The following KIAA1217 variants were observed in gnomAD, a reference collection of about 807,000 sequenced individuals.
KIAA1217 encodes the protein sickle tail protein homolog.
A neutral mutation model predicts 163.9 loss-of-function variants in KIAA1217; 88 were observed. The observed-to-expected ratio is 0.54, with a 90% confidence interval of 0.45 to 0.64. The LOEUF is 0.64. KIAA1217 is among the 30% of genes least tolerant of loss of function. The pLI is 0.00. For missense variants in KIAA1217, 2,372 were observed against 2,475.0 expected, an observed-to-expected ratio of 0.96 and a Z score of 0.88; for synonymous variants, 903 against 923.1, an observed-to-expected ratio of 0.98 and a Z score of 0.39.
chr10:23,836,013 A>G lies in KIAA1217; in HGVS notation c.-321+140779A>G, dbSNP rs147498196. 1.2e-3 allele frequency among the ~76,000 whole-genome samples: 181 copies of G among 152,272 alleles called. 13 individuals carry two copies. In the East Asian group the frequency reaches 0.028, roughly 24 times the overall value. ...TGGATATAGGGTCTTTAAAGAAGTT[A>G]CTAAGTTAAAATGGGGTCATTATTG... On this transcript the variant is annotated intron_variant, in intron 1 of 18. Coordinates refer to the KIAA1217 transcript ENST00000376462.
At chr10:23,994,059 G>A (rs772022510) in intron 1 of KIAA1217, among the ~76,000 whole-genome samples, 2 of 152,190 alleles carry the variant, frequency 1.3e-5, no homozygotes, top group Non-Finnish European at 2.9e-5. Flanking sequence ...GACTACTCTA[G>A]CTTGTGAGCA....
At chr10:23,960,903 A>G (rs942919080) in intron 1 of KIAA1217, among the ~76,000 whole-genome samples, 6 of 152,350 alleles carry the variant, frequency 3.9e-5, no homozygotes, top group Admixed American at 2.6e-4. Flanking sequence ...TAAATACTTA[A>G]AAGAGATATA....
intron 2 of KIAA1217, among the ~76,000 whole-genome samples, chr10:24,373,091 T>C (rs558140708): frequency 2.6e-5 from 4 of 152,316 alleles, no homozygotes; most frequent in East Asian, 1.9e-4. Flanking sequence ...CTGGGACTTA[T>C]AGTGAATTGC....
At chr10:23,982,394 T>G (rs574089456) in intron 1 of KIAA1217, among the ~76,000 whole-genome samples, 1 of 152,070 alleles carries the variant, frequency 6.6e-6, no homozygotes, top group South Asian at 2.1e-4. Flanking sequence ...GCAGTGGGAG[T>G]GACGCTGGCC....
intron 2 of KIAA1217, among the ~76,000 whole-genome samples, chr10:24,014,824 T>TA (rs1847400925): frequency 6.6e-6 from 1 of 152,056 alleles, no homozygotes; most frequent in Admixed American, 6.6e-5. Flanking sequence ...GGCTGAGAGT[T>TA]TTTCTAAGCA....
intron 2 of KIAA1217, among the ~76,000 whole-genome samples, chr10:24,028,570 C>G (rs1848060827): frequency 6.6e-6 from 1 of 151,948 alleles, no homozygotes; most frequent in Non-Finnish European, 1.5e-5. Context: ...AAATTAAATC[C>G]AGGAAAGCTG....
intron 1 of KIAA1217, among the ~76,000 whole-genome samples, chr10:24,005,567 GAAAATA>G (rs1846956696): frequency 6.6e-6 from 1 of 152,130 alleles, no homozygotes; most frequent in Non-Finnish European, 1.5e-5. Context: ...TACTCACCAG[GAAAATA>G]ATTTTAAATC....
intron 1 of KIAA1217, among the ~76,000 whole-genome samples, chr10:23,929,136 TTTA>T (rs1843147530): frequency 6.6e-6 from 1 of 152,016 alleles, no homozygotes; most frequent in Non-Finnish European, 1.5e-5. Context: ...AGATGGAATG[TTTA>T]TTATTATTAT....
chr10:24,293,657 T>C (rs414871), intron 2 of KIAA1217, among the ~76,000 whole-genome samples: 21,691 of 152,232 alleles, frequency 0.14, 2,244 homozygotes, highest in Non-Finnish European at 0.21. Context: ...CAGGATGTCT[T>C]GTGTCTGTGC....
intron 1 of KIAA1217, among the ~76,000 whole-genome samples, chr10:24,002,616 C>T (rs116143838): frequency 0.019 from 2,841 of 152,190 alleles, 95 homozygotes; most frequent in African/African-American, 0.065. Flanking sequence ...CAAAATTAAC[C>T]CAAACCCCTC....
At position 24,531,988 on chromosome 10, in the gene KIAA1217, G is replaced by T; in HGVS notation, c.3241G>T (p.Ala1081Ser). 1.9e-6 allele frequency: 3 copies of T among 1,561,410 alleles called. No homozygotes were observed. Among genetic ancestry groups the T allele is most frequent in the Non-Finnish European group, 2.6e-6 (3 of 1,147,946 alleles). Residue 1081 changes from alanine to serine, a missense_variant, in exon 15 of 21, where the codon GCT becomes TCT. By Grantham distance (99) the Ala-to-Ser change is moderately conservative. Transcript: ENST00000376454. Reference protein sequence around the residue: ...VYTGRKENITAKASSEDAGPS... With the variant: ...VYTGRKENITSKASSEDAGPS... ...CACCGGCAGAAAGGAGAACATCACCGCTAAGGTCTGATAGGCTAAGCCCTG... is the reference window on the plus strand; with the variant it reads ...CACCGGCAGAAAGGAGAACATCACCTCTAAGGTCTGATAGGCTAAGCCCTG...
At chr10:24,244,026 T>C (rs2073459615) in intron 2 of KIAA1217, among the ~76,000 whole-genome samples, 1 of 152,200 alleles carries the variant, frequency 6.6e-6, no homozygotes, top group South Asian at 2.1e-4. Flanking sequence ...TGGATTCGGA[T>C]CCTGCCTTCA....
intron 2 of KIAA1217, among the ~76,000 whole-genome samples, chr10:24,303,826 A>C (rs982033012): frequency 1.3e-5 from 2 of 151,808 alleles, no homozygotes; most frequent in African/African-American, 4.8e-5. Flanking sequence ...ATGGGATTCA[A>C]ATTTGCACGT....
intron 1 of KIAA1217, among the ~76,000 whole-genome samples, chr10:23,930,512 A>G (rs1206928181): frequency 1.3e-5 from 2 of 152,106 alleles, no homozygotes; most frequent in African/African-American, 2.4e-5. Flanking sequence ...TTCACATTCG[A>G]ATGTTTCTAA....
chr10:24,287,310 C>T (rs540696642), intron 2 of KIAA1217, among the ~76,000 whole-genome samples: 1 of 152,310 alleles, frequency 6.6e-6, no homozygotes, highest in African/African-American at 2.4e-5. Flanking sequence ...CTCGGCCTCC[C>T]AAAGTGCTGG....
chr10:24,279,101 A>G (rs1564394546), intron 2 of KIAA1217, among the ~76,000 whole-genome samples: 1 of 152,110 alleles, frequency 6.6e-6, no homozygotes, highest in African/African-American at 2.4e-5. Context: ...TGGCCTCCCA[A>G]AGTACTGGGA....
At chr10:24,390,549 A>G (rs1428883992) in intron 3 of KIAA1217, among the ~76,000 whole-genome samples, 1 of 93,346 alleles carries the variant, frequency 1.1e-5, no homozygotes, top group South Asian at 4.0e-4. Context: ...AGGAAATTTC[A>G]AAAGAAAGGG....
chr10:24,468,447 C>G (rs1340530446), intron 5 of KIAA1217, among the ~76,000 whole-genome samples: 1 of 152,146 alleles, frequency 6.6e-6, no homozygotes, highest in Non-Finnish European at 1.5e-5. Context: ...CTTGGCAAAC[C>G]AACATAAGAA....
At chr10:23,943,621 G>T (rs1457181039) in intron 1 of KIAA1217, among the ~76,000 whole-genome samples, 1 of 152,192 alleles carries the variant, frequency 6.6e-6, no homozygotes, top group Non-Finnish European at 1.5e-5. Context: ...ATAAATTGAT[G>T]AATTTATTCT....
Sources: allele counts gnomAD v4.1 joint callset (sites outside exome capture counted in the v4.1 genomes callset), GRCh38; gene constraint gnomAD v4.1.1; transcripts MANE v1.5; gene names NCBI Gene and HGNC (gene_info 2026-07-23, HGNC 2026-07-21).